The following PHLPP2 variants were observed in gnomAD, a reference collection of about 807,000 sequenced individuals.
PHLPP2 encodes PH domain and leucine rich repeat protein phosphatase 2.
Under a neutral mutation model 124.9 loss-of-function variants are expected in PHLPP2, and 66 were observed. The observed-to-expected ratio is 0.53, with a 90% CI of 0.43 to 0.65. The LOEUF is 0.65. Among genes scored for constraint, PHLPP2 ranks in the 30% least tolerant of loss-of-function variants. The pLI, the probability that PHLPP2 is intolerant of heterozygous loss-of-function variation, is 0.00. For synonymous variants in PHLPP2, 681 were observed against 624.7 expected (o/e 1.09, Z -1.34); for missense variants, 1,685 against 1,600.4 (o/e 1.05, Z -0.90).
In PHLPP2 at chr16:71,672,261, C is replaced by G; in HGVS notation, c.1532+1G>C. ...GCGCCACCCTCATGAAAGACACTCA[C>G]CGGGAGAGATCCAAGAAAGTGAGCA... On this transcript the variant is annotated splice_donor_variant, in intron 10 of 18. Coordinates refer to ENST00000568954, the MANE Select transcript of PHLPP2 (RefSeq NM_015020.3). LOFTEE classifies it high-confidence loss of function. 1 of 1,611,374 alleles carries G rather than the reference C, an allele frequency of 6.2e-7. No individual in the cohort carries two copies. Among genetic ancestry groups the G allele is most frequent in the Non-Finnish European group, 8.5e-7 (1 of 1,177,568 alleles).
chr16:71,670,516 G>A (rs371408173), intron 10 of PHLPP2, among the ~76,000 whole-genome samples: 17 of 152,274 alleles, frequency 1.1e-4, no homozygotes, highest in Admixed American at 9.2e-4. Context: ...CTGTTAGAGG[G>A]ATAAGCAGAT....
intron 3 of PHLPP2, among the ~76,000 whole-genome samples, chr16:71,696,647 CAAA>C (rs555406586): frequency 1.7e-5 from 2 of 115,942 alleles, no homozygotes; most frequent in African/African-American, 3.2e-5. Context: ...GACTCCATCT[CAAA>C]AAAAAAAAAA....
At position 71,646,866 on chromosome 16, in the gene PHLPP2, C is replaced by T. The variant is rs938796656; in HGVS notation, c.*2024G>A. The T allele has an allele frequency of 1.3e-5, 2 of 152,182 alleles. No homozygotes were observed. Among genetic ancestry groups the T allele is most frequent in the African/African-American group, 2.4e-5 (1 of 41,416 alleles). The allele number at this position is 152,182 out of a possible 1,614,324, so 9.4% of individuals were successfully genotyped here. A position where few individuals can be genotyped will look rare whatever the true frequency, so the allele number is the denominator to read the frequency against. On this transcript the variant is annotated 3_prime_UTR_variant, in exon 19 of 19. Transcript: ENST00000568954. Reference sequence around the variant, plus strand: ...GACCAGTAGTTTGACAATCTGGGGACTCAAGTTCAGATTCTCGAGGGGTTG... The same window carrying T: ...GACCAGTAGTTTGACAATCTGGGGATTCAAGTTCAGATTCTCGAGGGGTTG...
At chr16:71,662,832 G>A (rs2044803875) in intron 13 of PHLPP2, among the ~76,000 whole-genome samples, 1 of 151,680 alleles carries the variant, frequency 6.6e-6, no homozygotes, top group African/African-American at 2.4e-5. Flanking sequence ...AGACCAGCCT[G>A]GCCAACGTAA....
At chr16:71,672,235 A>G in intron 10 of PHLPP2, 27 bp downstream of exon 10, 1 of 1,583,298 alleles carries the variant, frequency 6.3e-7, no homozygotes, top group Non-Finnish European at 8.7e-7. Flanking sequence ...GTAAGAAGCA[A>G]GCGCCACCCT....
At chr16:71,698,266 C>T (rs1020482066) in intron 3 of PHLPP2, among the ~76,000 whole-genome samples, 3 of 152,214 alleles carry the variant, frequency 2.0e-5, no homozygotes, top group Non-Finnish European at 4.4e-5. Flanking sequence ...ACCCCGCAGC[C>T]ATCTGGGATG....
chr16:71,676,912 T>C (rs2044951853), intron 8 of PHLPP2: 2 of 397,850 alleles, frequency 5.0e-6, no homozygotes, highest in Non-Finnish European at 4.7e-6. Context: ...CATGCCAGGC[T>C]AATTTTTTGT....
intron 1 of PHLPP2, among the ~76,000 whole-genome samples, chr16:71,721,305 C>G (rs2045396784): frequency 6.7e-6 from 1 of 149,518 alleles, no homozygotes; most frequent in Admixed American, 6.7e-5. Flanking sequence ...GGCTCTGCCT[C>G]AAAAAAATAA....
At chr16:71,678,170 A>T (rs1437509918) in intron 8 of PHLPP2, 1 of 152,202 alleles carries the variant, frequency 6.6e-6, no homozygotes, top group Non-Finnish European at 1.5e-5. Context: ...CTCTATAAAA[A>T]ATTTTTAAAA....
rs571123920 is a variant in PHLPP2, at chr16:71,672,173, A to C, written c.1532+89T>G. The C allele has an allele frequency of 4.6e-6, 4 of 863,130 alleles. No homozygotes were observed. The East Asian group carries it at 1.0e-4, about 22-fold the overall frequency. 53.5% of individuals were successfully genotyped at this position (863,130 alleles called of 1,614,324 possible). On this transcript the variant is annotated intron_variant, in intron 10 of 18. Transcript: ENST00000568954. ...GTTATCCAAGTATTTCAAAATACTTAGATTTCTTGTACATCAAAACTGCCA... is the reference window on the plus strand; with the variant it reads ...GTTATCCAAGTATTTCAAAATACTTCGATTTCTTGTACATCAAAACTGCCA...
intron 4 of PHLPP2, among the ~76,000 whole-genome samples, chr16:71,686,696 T>A (rs1373111648): frequency 6.6e-6 from 1 of 152,210 alleles, no homozygotes; most frequent in African/African-American, 2.4e-5. Flanking sequence ...ATAAATAGAC[T>A]TTTGTATCTG....
At chr16:71,714,901 A>C (rs1255338128) in intron 1 of PHLPP2, 100 bp from the exon 2 acceptor site, 5 of 1,423,018 alleles carry the variant, frequency 3.5e-6, no homozygotes, top group Non-Finnish European at 4.7e-6. Flanking sequence ...ATTCCCCAAC[A>C]TTCTGCTCAA....
rs145507633 is a variant in PHLPP2 at position 71,673,605 on chromosome 16, G to A, written c.1472-1283C>T. 6.6e-5 allele frequency among the ~76,000 whole-genome samples: 10 copies of A among 152,276 alleles called. No homozygotes were observed. The East Asian group carries it at 1.9e-3, about 29-fold the overall frequency. ...AACAAGCCCTGTTCAGTTAACTGCT[G>A]TGATAGAATCCTGGTGACTTTTTCA... On this transcript the variant is annotated intron_variant, in intron 9 of 18. Transcript: ENST00000568954.
In PHLPP2 at chr16:71,669,332, G is replaced by A. The variant is rs1199970053; in HGVS notation, c.1571C>T (p.Ala524Val). ...LECVPDWACE[A>V]KKIEVLDVSY... Reference sequence around the variant, plus strand: ...CACATCTAATACTTCTATCTTCTTTGCTTCACAGGCCCAGTCAGGGACACA... The same window carrying A: ...CACATCTAATACTTCTATCTTCTTTACTTCACAGGCCCAGTCAGGGACACA... Residue 524 changes from alanine to valine, a missense_variant, in exon 11 of 19, where the codon GCA (alanine) becomes GTA (valine). Transcript: ENST00000568954. 1.2e-6 allele frequency: 2 copies of A among 1,612,466 alleles called. No homozygotes were observed. The highest frequency in any genetic ancestry group is 1.7e-6 in the Non-Finnish European group (2 of 1,179,688).
intron 9 of PHLPP2, among the ~76,000 whole-genome samples, 163 bp from the exon 10 acceptor site, chr16:71,672,485 T>G: frequency 6.6e-6 from 1 of 152,234 alleles, no homozygotes; most frequent in East Asian, 1.9e-4. Context: ...TTTGACTAAC[T>G]GATCCCAATT....
At position 71,660,372 on chromosome 16, in the gene PHLPP2, CAA is replaced by C. The variant is rs1158155665; in HGVS notation, c.1986-1559_1986-1558del. Among the ~76,000 whole-genome samples, 20 of 27,000 alleles carry C rather than the reference CAA, an allele frequency of 7.4e-4. No individual in the cohort carries two copies. In the South Asian group the frequency reaches 0.016, roughly 21 times the overall value. 17.7% of individuals were successfully genotyped at this position (27,000 alleles called of 152,430 possible). A position where few individuals can be genotyped will look rare whatever the true frequency, so the allele number is the denominator to read the frequency against. ...GCCTGGGTGACACAAGACCTTGTCT[CAA>C]AAAAAAAAAAAAAAAAAAAAAAAAG... is the stretch of plus-strand genomic sequence containing the variant. On this transcript the variant is annotated intron_variant, in intron 13 of 18. Transcript: ENST00000568954.
intron 2 of PHLPP2, among the ~76,000 whole-genome samples, chr16:71,706,373 G>A (rs1424927225): frequency 6.6e-6 from 1 of 152,168 alleles, no homozygotes; most frequent in Non-Finnish European, 1.5e-5. Context: ...TAAGATATAT[G>A]TAAGAAGAGT....
chr16:71,679,588 A>G, intron 6 of PHLPP2, 53 bp from the exon 7 acceptor site: 3 of 1,492,148 alleles, frequency 2.0e-6, no homozygotes, highest in Non-Finnish European at 2.8e-6. Flanking sequence ...CTATTACTGT[A>G]TCTTTACAAG....
chr16:71,696,358 C>T (rs748549397), intron 3 of PHLPP2, among the ~76,000 whole-genome samples: 5 of 152,084 alleles, frequency 3.3e-5, no homozygotes, highest in African/African-American at 4.8e-5. Context: ...TAAATGTGGC[C>T]GGGCGCAGTG....
Sources: allele counts gnomAD v4.1 joint callset (sites outside exome capture counted in the v4.1 genomes callset), GRCh38; gene constraint gnomAD v4.1.1; transcripts MANE v1.5; gene names NCBI Gene and HGNC (gene_info 2026-07-23, HGNC 2026-07-21).